ZYG11A: variants seen among roughly 807,000 people sequenced by gnomAD.
ZYG11A encodes zyg-11 family member A, cell cycle regulator, also known as protein zyg-11 homolog A.
ZYG11A carries 62 observed loss-of-function variants against 77.2 expected under a neutral mutation model. That is an observed-to-expected ratio of 0.80 (90% CI 0.65 to 0.99). ZYG11A has a LOEUF of 0.99. ZYG11A is among the 50% of genes least tolerant of loss of function. The probability of loss-of-function intolerance (pLI) is 0.00; values close to 1 mark genes in which losing one functional copy is unlikely to be tolerated. For synonymous variants in ZYG11A, 315 were observed against 324.6 expected, an observed-to-expected ratio of 0.97 and a Z score of 0.32; for missense variants, 828 against 896.8, an observed-to-expected ratio of 0.92 and a Z score of 0.98.
Position 52,842,812 on chromosome 1 carries a change from C to T in ZYG11A, c.-72C>T. The T allele has an allele frequency of 1.4e-6, 2 of 1,431,400 alleles. No individual in the cohort carries two copies. The highest frequency in any genetic ancestry group is 1.9e-6 in the Non-Finnish European group (2 of 1,061,836). 88.7% of individuals were successfully genotyped at this position (1,431,400 alleles called of 1,614,324 possible). A position where few individuals can be genotyped will look rare whatever the true frequency, so the allele number is the denominator to read the frequency against. On this transcript the variant is annotated 5_prime_UTR_variant, in exon 1 of 14. Coordinates refer to ENST00000371528, the MANE Select transcript of ZYG11A (RefSeq NM_001004339.3). ...GTGGGCGCGTCCTGGCAGCCGCCCG[C>T]TTGGTTCTCGCGGGATCCGGGCTCC... is the stretch of plus-strand genomic sequence containing the variant.
At chr1:52,876,534 G>A (rs1164025140) in intron 8 of ZYG11A, among the ~76,000 whole-genome samples, 1 of 152,142 alleles carries the variant, frequency 6.6e-6, no homozygotes, top group Non-Finnish European at 1.5e-5. Context: ...TGTCATAGTA[G>A]TAATAGTGCA....
At chr1:52,880,811 C>A (rs1176666728) in intron 10 of ZYG11A, among the ~76,000 whole-genome samples, 2 of 152,130 alleles carry the variant, frequency 1.3e-5, no homozygotes, top group African/African-American at 4.8e-5. Flanking sequence ...AGTAAATTCT[C>A]CCCCGGTGGA....
chr1:52,883,951 C>T (rs1046948595), intron 11 of ZYG11A, among the ~76,000 whole-genome samples: 1 of 152,162 alleles, frequency 6.6e-6, no homozygotes, highest in Non-Finnish European at 1.5e-5. Flanking sequence ...ATGATCATAG[C>T]TCACTGCCGC....
At chr1:52,868,898 C>G (rs1270013699) in intron 8 of ZYG11A, among the ~76,000 whole-genome samples, 1 of 151,964 alleles carries the variant, frequency 6.6e-6, no homozygotes, top group Non-Finnish European at 1.5e-5. Flanking sequence ...TGCAATGGTG[C>G]AATCTCGGCT....
In ZYG11A at chr1:52,857,693, C is replaced by A; in HGVS notation, c.952C>A (p.Leu318Ile). 1 of 1,552,100 alleles carries A rather than the reference C, an allele frequency of 6.4e-7. No homozygotes were observed. The highest frequency in any genetic ancestry group is 2.4e-5 in the East Asian group (1 of 40,914). ...RLRPAMQFVG[L>I]LATDAGSSDF... ...GCGGCCTGCCATGCAATTTGTGGGA[C>A]TATTGGCCACGGATGCTGGCTCTTC... is the stretch of plus-strand genomic sequence containing the variant. The change falls in exon 3 of 14, where the codon CTA becomes ATA. Residue 318 changes from leucine (L) to isoleucine (I), a missense_variant. By Grantham distance (5) the Leu-to-Ile change is conservative. Transcript: ENST00000371528.
intron 1 of ZYG11A, among the ~76,000 whole-genome samples, chr1:52,852,789 G>A (rs1645738898): frequency 6.6e-6 from 1 of 152,144 alleles, no homozygotes; most frequent in Admixed American, 6.6e-5. Context: ...TCAAATATAG[G>A]TTAGTCTGGC....
intron 1 of ZYG11A, among the ~76,000 whole-genome samples, chr1:52,852,175 A>G (rs1004694047): frequency 2.0e-5 from 3 of 151,154 alleles, no homozygotes; most frequent in African/African-American, 7.3e-5. Flanking sequence ...CAGCCTCCCA[A>G]AGTGCTGGGA....
intron 13 of ZYG11A, among the ~76,000 whole-genome samples, chr1:52,889,856 C>T (rs1050335625): frequency 9.2e-5 from 14 of 151,816 alleles, no homozygotes; most frequent in African/African-American, 1.9e-4. Context: ...GGACTACAGG[C>T]GCCCGCCACC....
In ZYG11A at chr1:52,867,520, A is replaced by T. The variant is rs936317202; in HGVS notation, c.1392-19A>T. On this transcript the variant is annotated intron_variant, in intron 6 of 13. Coordinates refer to ENST00000371528, the MANE Select transcript of ZYG11A (RefSeq NM_001004339.3). ...AAACTTTATATATAATTGTGAGAAA[A>T]ATAAATACTGCTTTTCAGGTTTGAT... 1.1e-5 allele frequency: 17 copies of T among 1,514,714 alleles called. No homozygotes were observed. The highest frequency in any genetic ancestry group is 1.4e-5 in the Non-Finnish European group (16 of 1,113,920). The allele number at this position is 1,514,714 out of a possible 1,614,324, so 93.8% of individuals were successfully genotyped here.
At chr1:52,844,267 C>T (rs537116665) in intron 1 of ZYG11A, among the ~76,000 whole-genome samples, 2 of 152,308 alleles carry the variant, frequency 1.3e-5, no homozygotes, top group Admixed American at 1.3e-4. Flanking sequence ...ATATTAACGC[C>T]TTGTTGGAAG....
rs773098427 is a variant in ZYG11A at position 52,857,444 on chromosome 1, A to G, written c.703A>G (p.Met235Val). The G allele has an allele frequency of 1.3e-5, 20 of 1,552,046 alleles. No homozygotes were observed. Among genetic ancestry groups the G allele is most frequent in the East Asian group, 4.9e-5 (2 of 40,936 alleles). ...TAAGGATCGATTGAAGTCTCTCACA[A>G]TGCACTATCTGAAATGCCTGGCCAT... is the stretch of plus-strand genomic sequence containing the variant. Reference protein sequence around the residue: ...TCKDRLKSLTMHYLKCLAMTK... With the variant: ...TCKDRLKSLTVHYLKCLAMTK... The change falls in exon 3 of 14, where the codon ATG (methionine) becomes GTG (valine). Residue 235 changes from methionine (M) to valine (V), a missense_variant. Coordinates refer to ENST00000371528, the MANE Select transcript of ZYG11A (RefSeq NM_001004339.3).
chr1:52,850,648 G>A (rs1645691880), intron 1 of ZYG11A, among the ~76,000 whole-genome samples: 1 of 152,066 alleles, frequency 6.6e-6, no homozygotes, highest in Non-Finnish European at 1.5e-5. Flanking sequence ...TAGAGACGGG[G>A]TTTCACCATG....
intron 8 of ZYG11A, 72 bp downstream of exon 8, chr1:52,867,849 AT>A (rs1160977464): frequency 9.9e-6 from 13 of 1,314,448 alleles, no homozygotes; most frequent in African/African-American, 1.5e-5. Context: ...TAAAAAAAAA[AT>A]CAAATCATTC....
intron 11 of ZYG11A, 136 bp downstream of exon 11, chr1:52,881,801 C>A: frequency 3.2e-6 from 2 of 621,296 alleles, no homozygotes; most frequent in South Asian, 2.9e-5. Flanking sequence ...CCATATCTTT[C>A]CATCCAAAAC....
At chr1:52,850,300 A>G (rs1645683003) in intron 1 of ZYG11A, among the ~76,000 whole-genome samples, 1 of 150,812 alleles carries the variant, frequency 6.6e-6, no homozygotes, top group African/African-American at 2.4e-5. Flanking sequence ...TACAGGCGCA[A>G]GCACCGGTAC....
At chr1:52,871,924 C>T (rs1646174900) in intron 8 of ZYG11A, among the ~76,000 whole-genome samples, 1 of 152,126 alleles carries the variant, frequency 6.6e-6, no homozygotes, top group Admixed American at 6.5e-5. Context: ...TTCATGTCCT[C>T]CAGAAGTATG....
chr1:52,885,815 C>A lies in ZYG11A; in HGVS notation c.1945-18C>A. 6.6e-7 allele frequency: 1 copy of A among 1,516,878 alleles called. No homozygotes were observed. Among genetic ancestry groups the A allele is most frequent in the East Asian group, 2.5e-5 (1 of 40,668 alleles). The allele number at this position is 1,516,878 out of a possible 1,614,324, so 94.0% of individuals were successfully genotyped here. On this transcript the variant is annotated intron_variant, in intron 11 of 13. Transcript: ENST00000371528. ...GGATTATTCAAATGTTGGTTTCTCT[C>A]TCTTGTTTTTGGAGTAGCATGCAAC...
At chr1:52,892,562 A>G (rs1046808839) in intron 13 of ZYG11A, among the ~76,000 whole-genome samples, 1 of 151,934 alleles carries the variant, frequency 6.6e-6, no homozygotes, top group African/African-American at 2.4e-5. Context: ...TGAAGCATAG[A>G]GTTGTCTGGA....
At chr1:52,873,588 A>G (rs770946501) in intron 8 of ZYG11A, among the ~76,000 whole-genome samples, 14 of 152,334 alleles carry the variant, frequency 9.2e-5, no homozygotes, top group South Asian at 2.1e-4. Context: ...TCTGGTGAAG[A>G]TTCTGTGAAC....
Sources: gnomAD v4.1 joint callset for allele counts (sites outside exome capture counted in the v4.1 genomes callset) on GRCh38, gnomAD v4.1.1 for gene constraint, MANE v1.5 for transcripts, NCBI Gene and HGNC (gene_info 2026-07-23, HGNC 2026-07-21) for gene names.